The following BAZ2B variants were observed in gnomAD, a reference collection of about 807,000 sequenced individuals.
BAZ2B encodes the protein bromodomain adjacent to zinc finger domain 2B, also known as bromodomain adjacent to zinc finger domain protein 2B.
BAZ2B carries 91 observed loss-of-function variants against 246.0 expected under a neutral mutation model. That is an observed-to-expected ratio of 0.37 (90% CI 0.31 to 0.44). The LOEUF (loss-of-function observed/expected upper bound fraction) is 0.44, where lower values mean the gene tolerates loss of function less well. Ranked by LOEUF, BAZ2B falls within the 20% of genes least tolerant of loss-of-function variation. The probability of loss-of-function intolerance (pLI) is 1.00; values close to 1 mark genes in which losing one functional copy is unlikely to be tolerated. For synonymous variants in BAZ2B, 855 were observed against 860.0 expected, an observed-to-expected ratio of 0.99 and a Z score of 0.10; for missense variants, 2,332 against 2,533.7, an observed-to-expected ratio of 0.92 and a Z score of 1.71.
chr2:159,528,450 A>C (rs1302123753), intron 2 of BAZ2B, among the ~76,000 whole-genome samples: 3 of 152,224 alleles, frequency 2.0e-5, no homozygotes, highest in African/African-American at 4.8e-5. Context: ...TGGGAGGCCA[A>C]GGCGGTTGGA....
In BAZ2B at chr2:159,432,712, A is replaced by G. The variant is rs781324686; in HGVS notation, c.1900+45T>C. 24 of 1,575,794 alleles carry G rather than the reference A, an allele frequency of 1.5e-5. No homozygotes were observed. In the African/African-American group the frequency reaches 3.1e-4, roughly 20 times the overall value. On this transcript the variant is annotated intron_variant, in intron 9 of 36. Coordinates refer to ENST00000392783, the MANE Select transcript of BAZ2B (RefSeq NM_013450.4). ...AGAAACCCTTTAAAATGTTTGGTTCACATAGCATTTAGAGAAATACTTTAA... is the reference window on the plus strand; with the variant it reads ...AGAAACCCTTTAAAATGTTTGGTTCGCATAGCATTTAGAGAAATACTTTAA...
At chr2:159,624,325 A>C in the BAZ2B span, among the ~76,000 whole-genome samples, 1 of 152,206 alleles carries the variant, frequency 6.6e-6, no homozygotes, top group Non-Finnish European at 1.5e-5. Context: ...ATATCCCAGC[A>C]CAGTGTTCAA....
chr2:159,613,284 T>C (rs1014355981), intron 1 of BAZ2B, among the ~76,000 whole-genome samples: 1 of 152,092 alleles, frequency 6.6e-6, no homozygotes, highest in African/African-American at 2.4e-5. Flanking sequence ...TTAGTGTTTG[T>C]AAGAGTAAAT....
intron 1 of BAZ2B, among the ~76,000 whole-genome samples, chr2:159,583,229 C>T (rs1687264307): frequency 1.3e-5 from 2 of 151,810 alleles, no homozygotes; most frequent in South Asian, 4.1e-4. Flanking sequence ...ATTCTTCTGC[C>T]TAAGCCTCCC....
chr2:159,584,441 C>T (rs1377086591), intron 1 of BAZ2B, among the ~76,000 whole-genome samples: 1 of 152,048 alleles, frequency 6.6e-6, no homozygotes, highest in African/African-American at 2.4e-5. Flanking sequence ...TTAAGAGGAT[C>T]ACTTTGGTTG....
At position 159,448,233 on chromosome 2, in the gene BAZ2B, T is replaced by C. The variant is rs180712736; in HGVS notation, c.502+9A>G. The C allele has an allele frequency of 2.1e-4, 334 of 1,609,910 alleles. 3 individuals are homozygous for C. In the East Asian group the frequency reaches 2.9e-3, roughly 14 times the overall value. On this transcript the variant is annotated intron_variant, in intron 5 of 36. Coordinates refer to ENST00000392783, the MANE Select transcript of BAZ2B (RefSeq NM_013450.4). ...ATTTATAGTACTTCACTTATGTAAATGTGGATACCTTTTTCGGGACCATTT... is the reference window on the plus strand; with the variant it reads ...ATTTATAGTACTTCACTTATGTAAACGTGGATACCTTTTTCGGGACCATTT...
the BAZ2B span, among the ~76,000 whole-genome samples, chr2:159,668,313 T>C: frequency 6.6e-6 from 1 of 152,234 alleles, no homozygotes; most frequent in Non-Finnish European, 1.5e-5. Context: ...TGTTATTCTT[T>C]TGCCCTAATG....
the BAZ2B span, among the ~76,000 whole-genome samples, chr2:159,653,045 C>T: frequency 6.6e-6 from 1 of 152,004 alleles, no homozygotes; most frequent in Admixed American, 6.6e-5. Flanking sequence ...TCAAGTGATT[C>T]TCCTGCCTCA....
chr2:159,333,090 G>C (rs1224050910), intron 33 of BAZ2B: 1 of 153,342 alleles, frequency 6.5e-6, no homozygotes, highest in Non-Finnish European at 1.5e-5. Flanking sequence ...ATGATATCCT[G>C]AGAAAGAAAT....
the BAZ2B span, among the ~76,000 whole-genome samples, chr2:159,661,926 T>C: frequency 6.6e-6 from 1 of 152,170 alleles, no homozygotes; most frequent in African/African-American, 2.4e-5. Flanking sequence ...TCTTATCTAA[T>C]TGCAATACAT....
chr2:159,601,394 A>G (rs1692096976), intron 1 of BAZ2B, among the ~76,000 whole-genome samples: 1 of 151,392 alleles, frequency 6.6e-6, no homozygotes, highest in Non-Finnish European at 1.5e-5. Flanking sequence ...ACTGCACTCC[A>G]GAATGGGTGA....
At chr2:159,438,119 A>T in intron 8 of BAZ2B, 184 bp downstream of exon 8, 1 of 593,474 alleles carries the variant, frequency 1.7e-6, no homozygotes, top group Non-Finnish European at 2.9e-6. Context: ...TACATTAAAC[A>T]GATACATATA....
At chr2:159,428,454 T>G (rs200854945) in intron 11 of BAZ2B, 35 bp from the exon 12 acceptor site, 173 of 1,487,230 alleles carry the variant, frequency 1.2e-4, no homozygotes, top group Admixed American at 3.6e-4. Context: ...ATGACATACT[T>G]AATTTCAAGA....
chr2:159,625,625 G>A, the BAZ2B span, among the ~76,000 whole-genome samples: 9,557 of 152,214 alleles, frequency 0.063, 394 homozygotes, highest in Middle Eastern at 0.14. Flanking sequence ...ACAAGCAAAT[G>A]CTGAGAGATT....
chr2:159,349,576 G>A (rs1359921365), intron 28 of BAZ2B, 132 bp downstream of exon 28: 15 of 1,096,732 alleles, frequency 1.4e-5, no homozygotes, highest in Non-Finnish European at 1.9e-5. Context: ...CAGAAATTCT[G>A]ACTTGTTTTA....
chr2:159,372,526 G>A (rs2060962855), intron 27 of BAZ2B, among the ~76,000 whole-genome samples: 1 of 152,174 alleles, frequency 6.6e-6, no homozygotes, highest in African/African-American at 2.4e-5. Context: ...TCTAAAGGTA[G>A]AATATCATGA....
chr2:159,347,690 T>C, intron 30 of BAZ2B, 44 bp from the exon 31 acceptor site: 9 of 1,480,042 alleles, frequency 6.1e-6, no homozygotes, highest in Non-Finnish European at 8.3e-6. Flanking sequence ...CTTATTAAGC[T>C]TTTCCCCACA....
intron 3 of BAZ2B, among the ~76,000 whole-genome samples, chr2:159,477,914 C>A (rs1449643395): frequency 6.6e-6 from 1 of 152,170 alleles, no homozygotes; most frequent in Non-Finnish European, 1.5e-5. Context: ...TCTCCATCTC[C>A]CGGGTTCAAG....
At chr2:159,575,224 A>G (rs1198190334) in intron 1 of BAZ2B, among the ~76,000 whole-genome samples, 1 of 152,066 alleles carries the variant, frequency 6.6e-6, no homozygotes, top group Non-Finnish European at 1.5e-5. Context: ...CTATGCTTCT[A>G]TGCTCAGGAC....
Sources: gnomAD v4.1 joint callset for allele counts (sites outside exome capture counted in the v4.1 genomes callset) on GRCh38, gnomAD v4.1.1 for gene constraint, MANE v1.5 for transcripts, NCBI Gene and HGNC (gene_info 2026-07-23, HGNC 2026-07-21) for gene names.